Variants in TMC2 observed in about 807,000 individuals in gnomAD.
TMC2 encodes the protein transmembrane channel-like protein 2.
A neutral mutation model predicts 105.9 loss-of-function variants in TMC2; 102 were observed. The observed-to-expected ratio is 0.96, with a 90% CI of 0.82 to 1.14. TMC2 has a LOEUF of 1.14. Ranked by LOEUF, TMC2 falls within the 50% of genes most tolerant of loss-of-function variation. The pLI, the probability that TMC2 is intolerant of heterozygous loss-of-function variation, is 0.00. For synonymous variants in TMC2, 402 were observed against 422.8 expected (o/e 0.95, Z 0.60); for missense variants, 1,093 against 1,134.3 (o/e 0.96, Z 0.52).
In TMC2 at chr20:2,579,967, G is replaced by C. The variant is rs201888815; in HGVS notation, c.745G>C (p.Val249Leu). 1.8e-4 allele frequency: 289 copies of C among 1,613,904 alleles called. 1 individual carries two copies. The East Asian group carries it at 3.7e-3, about 20-fold the overall frequency. The stretch of plus-strand genomic sequence containing the variant: ...CTCTCTAGGTCACTTTGGTTCTTCA[G>C]TGGCATCGTATTTCATCTTTCTCCG... ...KDIESHFGSS[V>L]ASYFIFLRWM... The change falls in exon 7 of 20, where the codon GTG becomes CTG. Residue 249 changes from valine to leucine, a missense_variant. Physicochemically the swap from Val to Leu is conservative, Grantham distance 32 (BLOSUM62 1). Coordinates refer to ENST00000358864, the MANE Select transcript of TMC2 (RefSeq NM_080751.3).
chr20:2,599,533 A>T (rs2146219238), intron 10 of TMC2, among the ~76,000 whole-genome samples: 6 of 137,758 alleles, frequency 4.4e-5, no homozygotes, highest in South Asian at 4.6e-4. Context: ...TTTTTTCTTT[A>T]ATTACATTTT....
intron 10 of TMC2, among the ~76,000 whole-genome samples, chr20:2,598,651 G>A (rs2086327032): frequency 1.3e-5 from 2 of 151,798 alleles, no homozygotes; most frequent in Non-Finnish European, 2.9e-5. Flanking sequence ...CAAGTGATCT[G>A]CCCGCCTCGG....
rs1426478205 is a variant in TMC2 at position 2,558,655 on chromosome 20, C to G, written c.282C>G (p.Thr94=). The G allele has an allele frequency of 1.9e-6, 3 of 1,584,398 alleles. No individual in the cohort carries two copies. Among genetic ancestry groups the G allele is most frequent in the South Asian group, 1.2e-5 (1 of 86,928 alleles). The change falls in exon 3 of 20, where the codon ACC becomes ACG. Residue 94 remains threonine, a synonymous_variant. Coordinates refer to ENST00000358864, the MANE Select transcript of TMC2 (RefSeq NM_080751.3). This position sits in a 1 kb window ranked among gnomAD's most constrained non-coding sequence, Gnocchi z 4.6. ...GEQERGEAER[T]CEGRRKRDER... is the part of the protein sequence containing the mutation. ...AGGAGCGGGGCGAGGCAGAGAGGAC[C>G]TGCGAGGGCAGGAGAAAGCGCGACG...
intron 2 of TMC2, among the ~76,000 whole-genome samples, chr20:2,540,711 T>C (rs2085884236): frequency 6.6e-6 from 1 of 151,510 alleles, no homozygotes; most frequent in South Asian, 2.1e-4. Flanking sequence ...AGACCCATGT[T>C]TGGTGCCTCT....
intron 4 of TMC2, among the ~76,000 whole-genome samples, chr20:2,563,668 A>G (rs2086043287): frequency 6.6e-6 from 1 of 152,232 alleles, no homozygotes; most frequent in Non-Finnish European, 1.5e-5. Flanking sequence ...TATGTTAATT[A>G]ACTCGATTTG....
Position 2,613,236 on chromosome 20 carries a change from A to G in TMC2, c.1786A>G (p.Ile596Val). Residue 596 changes from isoleucine (I) to valine (V), a missense_variant, in exon 14 of 20, where the codon ATC becomes GTC. Transcript: ENST00000358864. ...GGTGTCTGACATGCTGGTAACGTAC[A>G]TCACCATCCTGCTGGGGGACTTCCT... ...LTVSDMLVTY[I>V]TILLGDFLRA... The G allele has an allele frequency of 6.2e-7, 1 of 1,614,038 alleles. No homozygotes were observed. The highest frequency in any genetic ancestry group is 8.5e-7 in the Non-Finnish European group (1 of 1,179,948).
At position 2,620,513 on chromosome 20, in the gene TMC2, G is replaced by A. The variant is rs368388635; in HGVS notation, c.2180+3202G>A. Among the ~76,000 whole-genome samples, 4 of 152,298 alleles carry A rather than the reference G, an allele frequency of 2.6e-5. No homozygotes were observed. The East Asian group carries it at 5.8e-4, about 22-fold the overall frequency. Reference sequence around the variant, plus strand: ...GGATTATCCAGAAAAGATCATGTGGGACTCTCTTCTTTAACAGAGTACATT... The same window carrying A: ...GGATTATCCAGAAAAGATCATGTGGAACTCTCTTCTTTAACAGAGTACATT... On this transcript the variant is annotated intron_variant, in intron 16 of 19. Transcript: ENST00000358864.
At chr20:2,609,143 G>A (rs1230107424) in intron 11 of TMC2, among the ~76,000 whole-genome samples, 1 of 152,160 alleles carries the variant, frequency 6.6e-6, no homozygotes, top group Non-Finnish European at 1.5e-5. Flanking sequence ...TCAGGATTAG[G>A]ACCCAGTACC....
chr20:2,609,837 A>C (rs1229374346), intron 11 of TMC2, among the ~76,000 whole-genome samples: 2 of 151,740 alleles, frequency 1.3e-5, no homozygotes, highest in African/African-American at 4.8e-5. Context: ...CTGGGTGAGC[A>C]GTTGTTTTTT....
intron 2 of TMC2, among the ~76,000 whole-genome samples, chr20:2,551,553 G>C (rs2085957076): frequency 6.6e-6 from 1 of 151,710 alleles, no homozygotes; most frequent in African/African-American, 2.4e-5. Context: ...TTATGCTGTG[G>C]TATTTTAAAA....
intron 2 of TMC2, among the ~76,000 whole-genome samples, chr20:2,550,114 C>T (rs892753307): frequency 1.3e-5 from 2 of 150,380 alleles, no homozygotes; most frequent in African/African-American, 2.5e-5. Flanking sequence ...ACCCTGGAAG[C>T]GGAGGATGCA....
intron 19 of TMC2, among the ~76,000 whole-genome samples, chr20:2,638,380 T>C (rs185195589): frequency 1.5e-3 from 229 of 151,634 alleles, no homozygotes; most frequent in African/African-American, 4.7e-3. Flanking sequence ...CTCTAGCACA[T>C]ACAATTATAT....
chr20:2,567,590 G>T (rs2086073295), intron 4 of TMC2, among the ~76,000 whole-genome samples: 1 of 151,990 alleles, frequency 6.6e-6, no homozygotes, highest in Non-Finnish European at 1.5e-5. Context: ...TAGAGACAGG[G>T]TCTCACTATA....
intron 11 of TMC2, among the ~76,000 whole-genome samples, chr20:2,609,387 C>T (rs930791200): frequency 1.3e-5 from 2 of 152,134 alleles, no homozygotes; most frequent in African/African-American, 2.4e-5. Context: ...AAAGGAAAAA[C>T]GTCCCTTCCA....
intron 2 of TMC2, among the ~76,000 whole-genome samples, chr20:2,541,520 A>T (rs2085889668): frequency 6.6e-6 from 1 of 152,078 alleles, no homozygotes; most frequent in African/African-American, 2.4e-5. Context: ...ACACACCTGT[A>T]ATCCCAGCTG....
chr20:2,556,402 C>A (rs2085985739), intron 2 of TMC2, among the ~76,000 whole-genome samples: 2 of 152,136 alleles, frequency 1.3e-5, no homozygotes. Context: ...TTTATTGCTT[C>A]TTGAATGCTC....
chr20:2,572,936 T>A (rs989282794), intron 5 of TMC2, among the ~76,000 whole-genome samples: 1 of 151,806 alleles, frequency 6.6e-6, no homozygotes, highest in Non-Finnish European at 1.5e-5. Context: ...TTGTTTGTTT[T>A]TAGAAACAGA....
intron 2 of TMC2, among the ~76,000 whole-genome samples, chr20:2,541,455 A>G (rs922686569): frequency 2.0e-5 from 3 of 152,084 alleles, no homozygotes; most frequent in African/African-American, 4.8e-5. Context: ...AGCCTGGCCA[A>G]CATGGCAAAA....
chr20:2,623,849 A>G (rs987212335), intron 16 of TMC2, among the ~76,000 whole-genome samples: 2 of 152,184 alleles, frequency 1.3e-5, no homozygotes, highest in Non-Finnish European at 2.9e-5. Context: ...TTTCTGAGAG[A>G]CACTCAGGTT....
Sources: gnomAD v4.1 joint callset for allele counts (sites outside exome capture counted in the v4.1 genomes callset) on GRCh38, gnomAD v4.1.1 for gene constraint, Gnocchi (gnomAD v3.1) non-coding constraint, MANE v1.5 for transcripts, NCBI Gene and HGNC (gene_info 2026-07-23, HGNC 2026-07-21) for gene names.